XPC: variants seen among roughly 807,000 people sequenced by gnomAD.
XPC encodes the protein DNA repair protein complementing XP-C cells.
Under a neutral mutation model 95.8 loss-of-function variants are expected in XPC, and 76 were observed. The observed-to-expected ratio is 0.79, with a 90% confidence interval of 0.66 to 0.96. XPC has a LOEUF of 0.96. Ranked by LOEUF, XPC falls within the 40% of genes least tolerant of loss-of-function variation. The pLI, the probability that XPC is intolerant of heterozygous loss-of-function variation, is 0.00. For missense variants in XPC, 1,146 were observed against 1,179.8 expected (o/e 0.97, Z 0.42); for synonymous variants, 442 against 442.1 (o/e 1.00, Z 0.00).
At chr3:14,161,537 T>G (rs980857350) in intron 7 of XPC, among the ~76,000 whole-genome samples, 5 of 146,918 alleles carry the variant, frequency 3.4e-5, no homozygotes, top group Non-Finnish European at 7.4e-5. Flanking sequence ...CAATTAAATA[T>G]ACATTAATAG....
intron 7 of XPC, among the ~76,000 whole-genome samples, chr3:14,162,915 C>A (rs1696218406): frequency 2.0e-5 from 3 of 152,116 alleles, no homozygotes; most frequent in Admixed American, 6.5e-5. Context: ...TCTTACAAAT[C>A]ATCAACAAAA....
intron 2 of XPC, among the ~76,000 whole-genome samples, chr3:14,171,662 CCT>C (rs1696618195): frequency 6.6e-6 from 1 of 152,070 alleles, no homozygotes; most frequent in African/African-American, 2.4e-5. Flanking sequence ...ATGGTGGAAC[CCT>C]GTTTCTACTA....
chr3:14,147,171 C>T (rs1695473173), intron 15 of XPC, 119 bp downstream of exon 15: 2 of 1,064,104 alleles, frequency 1.9e-6, no homozygotes, highest in African/African-American at 1.6e-5. Flanking sequence ...ACTGAGGTGT[C>T]CTAACACAAA....
At position 14,156,278 on chromosome 3, in the gene XPC, G is replaced by A. The variant is rs3731141; in HGVS notation, c.2033+57C>T. On this transcript the variant is annotated intron_variant, in intron 10 of 15. Transcript: ENST00000285021. ...TCAGCAACCCTTGCCTAGGAAGAAG[G>A]CTGCTAATCCCATGCCATCAGGAAG... 1.9e-3 allele frequency: 2,916 copies of A among 1,556,148 alleles called. 45 individuals carry two copies. In the African/African-American group the frequency reaches 0.036, roughly 19 times the overall value.
intron 8 of XPC, 66 bp downstream of exon 8, chr3:14,159,675 A>C (rs1696086539): frequency 7.0e-7 from 1 of 1,436,210 alleles, no homozygotes; most frequent in Non-Finnish European, 9.6e-7. Context: ...AATAATGATC[A>C]ATTTTTTTAA....
At chr3:14,151,977 A>G in intron 11 of XPC, 1 of 223,430 alleles carries the variant, frequency 4.5e-6, no homozygotes, top group Non-Finnish European at 8.8e-6. Flanking sequence ...GCCAAACAGA[A>G]GGGCAATCTG....
At chr3:14,156,531 T>C (rs752253088) in intron 9 of XPC, 36 bp from the exon 10 acceptor site, 5 of 1,613,060 alleles carry the variant, frequency 3.1e-6, no homozygotes, top group Non-Finnish European at 4.2e-6. Flanking sequence ...GAGCATGTTA[T>C]TTAGAAGAGG....
chr3:14,160,327 C>T (rs1696119026), intron 7 of XPC, among the ~76,000 whole-genome samples: 1 of 152,170 alleles, frequency 6.6e-6, no homozygotes, highest in Non-Finnish European at 1.5e-5. Flanking sequence ...CCCTGTTTTC[C>T]AATTTTCCCC....
rs777676330 is a variant in XPC, at chr3:14,158,689, G to A, written c.1194C>T (p.Ser398=). 6 of 1,613,864 alleles carry A rather than the reference G, an allele frequency of 3.7e-6. No homozygotes were observed. The South Asian group carries it at 4.4e-5, about 12-fold the overall frequency. The change falls in exon 9 of 16, where the codon TCC becomes TCT. Residue 398 remains serine, a synonymous_variant. Transcript: ENST00000285021. This position sits in a 1 kb window ranked among gnomAD's most constrained non-coding sequence, Gnocchi z 5.2. The part of the protein sequence containing the change: ...GGRKKRSKPS[S]SEEDEGPGDK... ...CTCCTGGGCCCTCATCTTCCTCGCT[G>A]GAGGAGGGCTTGCTCCGTTTCTTTC...
At chr3:14,152,087 G>C (rs189282520) in intron 11 of XPC, among the ~76,000 whole-genome samples, 196 of 152,114 alleles carry the variant, frequency 1.3e-3, no homozygotes, top group Non-Finnish European at 2.3e-3. Context: ...AGGAGTCTGA[G>C]GCCTACTTTT....
At chr3:14,157,834 C>T (rs1695980823) in intron 9 of XPC, among the ~76,000 whole-genome samples, 177 bp downstream of exon 9, 1 of 152,214 alleles carries the variant, frequency 6.6e-6, no homozygotes, top group Non-Finnish European at 1.5e-5. Flanking sequence ...AACTCCACAA[C>T]TTTTTACACT....
chr3:14,167,587 A>G (rs1161509355), intron 4 of XPC, among the ~76,000 whole-genome samples: 1 of 152,192 alleles, frequency 6.6e-6, no homozygotes, highest in African/African-American at 2.4e-5. Context: ...CTCTCTCCTT[A>G]GCAACCATTA....
rs886058046 is a variant in XPC, at chr3:14,145,513, C to G, written c.*428G>C. On this transcript the variant is annotated 3_prime_UTR_variant, in exon 16 of 16. Transcript: ENST00000285021. Reference sequence around the variant, plus strand: ...CCGCAACCGAGGCGAGTGAACTTGTCGGACAGATGAAGACTCTAACTGGAA... The same window carrying G: ...CCGCAACCGAGGCGAGTGAACTTGTGGGACAGATGAAGACTCTAACTGGAA... 1.7e-5 allele frequency: 12 copies of G among 698,872 alleles called. No homozygotes were observed. Among genetic ancestry groups the G allele is most frequent in the Non-Finnish European group, 2.9e-5 (11 of 383,804 alleles). 43.3% of individuals were successfully genotyped at this position (698,872 alleles called of 1,614,324 possible). A position where few individuals can be genotyped will look rare whatever the true frequency, so the allele number is the denominator to read the frequency against.
At chr3:14,161,404 T>C (rs1696160455) in intron 7 of XPC, among the ~76,000 whole-genome samples, 1 of 152,062 alleles carries the variant, frequency 6.6e-6, no homozygotes, top group Non-Finnish European at 1.5e-5. Flanking sequence ...TTTATGAATA[T>C]AGATGCAAAA....
chr3:14,164,015 C>G (rs1427160324), intron 7 of XPC, among the ~76,000 whole-genome samples: 1 of 152,220 alleles, frequency 6.6e-6, no homozygotes, highest in East Asian at 1.9e-4. Flanking sequence ...CACCACTGCA[C>G]TCCAGCCTAG....
chr3:14,165,830 T>C (rs771513392), intron 5 of XPC: 3 of 467,970 alleles, frequency 6.4e-6, no homozygotes, highest in Non-Finnish European at 1.2e-5. Flanking sequence ...ACAAATTGCT[T>C]TGTTTTCAAA....
In XPC at chr3:14,165,595, G is replaced by T. The variant is rs1265617487; in HGVS notation, c.622-10C>A. ...GGCAGAGAAGGTGAACCTGTGAAGA[G>T]GAAAGGAGGAAGGGGCAGCATGGAA... On this transcript the variant is annotated splice_polypyrimidine_tract_variant and intron_variant, in intron 5 of 15. Transcript: ENST00000285021. The T allele has an allele frequency of 1.9e-6, 3 of 1,612,982 alleles. No individual in the cohort carries two copies. In the African/African-American group the frequency reaches 4.0e-5, roughly 22 times the overall value.
At position 14,170,337 on chromosome 3, in the gene XPC, AG is replaced by A. The variant is rs976376775; in HGVS notation, c.412+100del. ...TTATCTGTGGTCTAATTAGCTCAAA[AG>A]AAAACAAAAGGATTGCAATTAGTGA... On this transcript the variant is annotated intron_variant, in intron 3 of 15. Transcript: ENST00000285021. 8 of 1,168,090 alleles carry A rather than the reference AG, an allele frequency of 6.8e-6. No homozygotes were observed. The Admixed American group carries it at 1.5e-4, about 21-fold the overall frequency. The allele number at this position is 1,168,090 out of a possible 1,614,324, so 72.4% of individuals were successfully genotyped here.
At chr3:14,164,095 A>G (rs891137881) in intron 7 of XPC, among the ~76,000 whole-genome samples, 1 of 152,220 alleles carries the variant, frequency 6.6e-6, no homozygotes, top group African/African-American at 2.4e-5. Flanking sequence ...ACATTATAAC[A>G]TAATTATCAG....
Sources: gnomAD v4.1 joint callset for allele counts (sites outside exome capture counted in the v4.1 genomes callset) on GRCh38, gnomAD v4.1.1 for gene constraint, Gnocchi (gnomAD v3.1) non-coding constraint, MANE v1.5 for transcripts, NCBI Gene and HGNC (gene_info 2026-07-23, HGNC 2026-07-21) for gene names.